The following S100A8 variants were observed in gnomAD, a reference collection of about 807,000 sequenced individuals.
S100A8 encodes protein S100-A8.
In S100A8, 1 loss-of-function variant was observed where a neutral mutation model predicts 4.2. The observed-to-expected ratio is 0.24, with a 90% confidence interval of 0.08 to 1.12. The LOEUF is 1.12. Among genes scored for constraint, S100A8 ranks in the 50% most tolerant of loss-of-function variants. The probability of loss-of-function intolerance (pLI) is 0.53; values close to 1 mark genes in which losing one functional copy is unlikely to be tolerated. For missense variants in S100A8, 96 were observed against 111.8 expected, an observed-to-expected ratio of 0.86 and a Z score of 0.64; for synonymous variants, 41 against 44.7, an observed-to-expected ratio of 0.92 and a Z score of 0.33.
chr1:153,409,268 A>G, the S100A8 span, among the ~76,000 whole-genome samples: 1 of 152,232 alleles, frequency 6.6e-6, no homozygotes, highest in Admixed American at 6.5e-5. Context: ...GCTCAAAATA[A>G]AGGGATGAAG....
upstream of S100A8, among the ~76,000 whole-genome samples, chr1:153,392,721 G>A (rs758245212): frequency 1.3e-5 from 2 of 152,082 alleles, no homozygotes; most frequent in Admixed American, 6.6e-5. Context: ...GGGATCCACC[G>A]TGCCCTGGGA....
chr1:153,393,017 A>G (rs575895562), upstream of S100A8, among the ~76,000 whole-genome samples: 90 of 152,332 alleles, frequency 5.9e-4, no homozygotes, highest in Admixed American at 2.5e-3. Context: ...CACTAATCCA[A>G]TGACGTATGT....
chr1:153,410,073 G>C, the S100A8 span, among the ~76,000 whole-genome samples: 1 of 152,176 alleles, frequency 6.6e-6, no homozygotes, highest in Non-Finnish European at 1.5e-5. Context: ...AAAAGAACTA[G>C]AGAAGCAAGA....
chr1:153,410,163 A>G, the S100A8 span, among the ~76,000 whole-genome samples: 7 of 152,278 alleles, frequency 4.6e-5, no homozygotes, highest in South Asian at 1.5e-3. Flanking sequence ...GACACAAAAA[A>G]CCCTTCAAAA....
At chr1:153,404,026 G>T in the S100A8 span, among the ~76,000 whole-genome samples, 1 of 152,134 alleles carries the variant, frequency 6.6e-6, no homozygotes, top group Admixed American at 6.5e-5. Flanking sequence ...TAGATAATCT[G>T]CTACAAGAGT....
upstream of S100A8, among the ~76,000 whole-genome samples, chr1:153,392,989 T>C (rs944282369): frequency 1.3e-5 from 2 of 152,238 alleles, no homozygotes; most frequent in African/African-American, 2.4e-5. Flanking sequence ...TTTATTTGCA[T>C]TGATCATTTA....
At chr1:153,390,815 C>A (rs1306515198) in intron 1 of S100A8, 5 of 526,216 alleles carry the variant, frequency 9.5e-6, no homozygotes, top group African/African-American at 7.7e-5. Flanking sequence ...ACCCCACCCT[C>A]TGCTCAAGAA....
chr1:153,417,963 C>T, the S100A8 span: 11 of 1,421,900 alleles, frequency 7.7e-6, no homozygotes, highest in African/African-American at 1.0e-4. Flanking sequence ...TCTGCTCCAT[C>T]TTAGGGCTGT....
the S100A8 span, among the ~76,000 whole-genome samples, chr1:153,398,272 G>A: frequency 6.6e-6 from 1 of 152,210 alleles, no homozygotes; most frequent in Non-Finnish European, 1.5e-5. Context: ...GGCAGGGCCT[G>A]AGGGCTGTCT....
At chr1:153,398,578 G>A in the S100A8 span, among the ~76,000 whole-genome samples, 1 of 152,104 alleles carries the variant, frequency 6.6e-6, no homozygotes, top group Non-Finnish European at 1.5e-5. Flanking sequence ...GTGCTCTGAT[G>A]CCTGTGACCT....
chr1:153,399,864 CA>C, the S100A8 span, among the ~76,000 whole-genome samples: 1 of 152,188 alleles, frequency 6.6e-6, no homozygotes, highest in Admixed American at 6.5e-5. Flanking sequence ...ATGGCACAGG[CA>C]AAGGCCCGGG....
chr1:153,421,356 A>G, the S100A8 span: 1 of 152,166 alleles, frequency 6.6e-6, no homozygotes, highest in Non-Finnish European at 1.5e-5. Flanking sequence ...ACATTACTTC[A>G]GATTCCCCTA....
chr1:153,417,477 T>G, the S100A8 span, among the ~76,000 whole-genome samples: 1 of 152,212 alleles, frequency 6.6e-6, no homozygotes, highest in South Asian at 2.1e-4. Context: ...GGGCCCCCTG[T>G]CCTCGGGAGA....
At chr1:153,391,798 T>C (rs1482300685), upstream of S100A8, among the ~76,000 whole-genome samples, 1 of 152,154 alleles carries the variant, frequency 6.6e-6, no homozygotes, top group East Asian at 1.9e-4. Flanking sequence ...AGCCATTGCA[T>C]AAACACAGCA....
rs757740682 is a variant in S100A8, at chr1:153,390,076, G to T, written c.*27C>A. On this transcript the variant is annotated 3_prime_UTR_variant, in exon 3 of 3. Transcript: ENST00000368733. ...TTATTCTGCAGGTACATGTCCAGGGGCCCAGCCTCTGGGCCCAGTAACTCA... is the reference window on the plus strand; with the variant it reads ...TTATTCTGCAGGTACATGTCCAGGGTCCCAGCCTCTGGGCCCAGTAACTCA... The T allele has an allele frequency of 1.3e-6, 2 of 1,597,634 alleles. No homozygotes were observed. Among genetic ancestry groups the T allele is most frequent in the Non-Finnish European group, 1.7e-6 (2 of 1,171,076 alleles).
At chr1:153,406,596 G>C in the S100A8 span, among the ~76,000 whole-genome samples, 4 of 152,198 alleles carry the variant, frequency 2.6e-5, no homozygotes, top group Non-Finnish European at 5.9e-5. Flanking sequence ...ACAGCAAAAA[G>C]AACAAATTGC....
the S100A8 span, among the ~76,000 whole-genome samples, chr1:153,416,085 T>C: frequency 1.5e-3 from 229 of 152,322 alleles, 3 homozygotes; most frequent in South Asian, 0.046. Flanking sequence ...GGTGTCTTGA[T>C]GTCTAGACAT....
the S100A8 span, among the ~76,000 whole-genome samples, chr1:153,408,440 A>T: frequency 6.6e-6 from 1 of 152,244 alleles, no homozygotes; most frequent in Non-Finnish European, 1.5e-5. Context: ...AAGAGTAAAA[A>T]GAAATGGACA....
intron 2 of S100A8, 40 bp from the exon 3 acceptor site, chr1:153,390,283 C>A (rs933557072): frequency 1.1e-5 from 17 of 1,604,210 alleles, no homozygotes; most frequent in Non-Finnish European, 8.5e-7. Context: ...GTTTAAAGAT[C>A]TCAGAGAGAG....
Sources: allele counts gnomAD v4.1 joint callset (sites outside exome capture counted in the v4.1 genomes callset), GRCh38; gene constraint gnomAD v4.1.1; transcripts MANE v1.5; gene names NCBI Gene and HGNC (gene_info 2026-07-23, HGNC 2026-07-21).